The following NDST4 variants were observed in gnomAD, a reference collection of about 807,000 sequenced individuals.
NDST4 encodes the protein N-heparan sulfate sulfotransferase 4.
Under a neutral mutation model 100.8 loss-of-function variants are expected in NDST4, and 63 were observed. The ratio of observed to expected loss-of-function variants is 0.62; its 90% CI spans 0.51 to 0.77. The LOEUF is 0.77. Among genes scored for constraint, NDST4 ranks in the 30% least tolerant of loss-of-function variants. The probability of loss-of-function intolerance (pLI) is 0.00; values close to 1 mark genes in which losing one functional copy is unlikely to be tolerated. For missense variants in NDST4, 943 were observed against 1,018.4 expected (o/e 0.93, Z 1.01); for synonymous variants, 377 against 361.8 (o/e 1.04, Z -0.48).
intron 1 of NDST4, among the ~76,000 whole-genome samples, chr4:115,086,369 A>G (rs968815996): frequency 2.6e-5 from 4 of 152,098 alleles, no homozygotes; most frequent in African/African-American, 9.7e-5. Flanking sequence ...TAGTATGCCC[A>G]GTTTATAATT....
intron 6 of NDST4, among the ~76,000 whole-genome samples, chr4:114,895,889 A>G (rs1200955546): frequency 6.6e-6 from 1 of 152,200 alleles, no homozygotes; most frequent in Non-Finnish European, 1.5e-5. Flanking sequence ...GGTTCAATAT[A>G]TGCAAATCAA....
intron 6 of NDST4, among the ~76,000 whole-genome samples, chr4:114,889,061 T>C (rs1292438127): frequency 2.6e-5 from 4 of 152,188 alleles, no homozygotes; most frequent in Non-Finnish European, 4.4e-5. Flanking sequence ...CTAGATATTA[T>C]CATGCTTTCT....
At chr4:115,032,651 T>C (rs574802221) in intron 2 of NDST4, among the ~76,000 whole-genome samples, 1 of 152,274 alleles carries the variant, frequency 6.6e-6, no homozygotes, top group East Asian at 1.9e-4. Flanking sequence ...TCCATTGTAA[T>C]CTTCATGAAA....
intron 1 of NDST4, among the ~76,000 whole-genome samples, chr4:115,109,696 CTATT>C (rs982912256): frequency 4.7e-4 from 71 of 151,890 alleles, no homozygotes; most frequent in African/African-American, 1.4e-3. Flanking sequence ...TTAAACATAA[CTATT>C]TATTTAGTGT....
At chr4:114,836,002 C>T (rs879801594) in intron 11 of NDST4, among the ~76,000 whole-genome samples, 12 of 152,170 alleles carry the variant, frequency 7.9e-5, no homozygotes, top group Non-Finnish European at 8.8e-5. Context: ...AGCCTATGTG[C>T]GTCTTCGCAC....
intron 6 of NDST4, among the ~76,000 whole-genome samples, chr4:114,887,170 T>A (rs1482861930): frequency 1.3e-5 from 2 of 152,130 alleles, no homozygotes; most frequent in Non-Finnish European, 2.9e-5. Context: ...CAAAATCAGG[T>A]TTTAAATTAG....
chr4:114,837,090 T>G (rs1294322927), intron 11 of NDST4, among the ~76,000 whole-genome samples: 1 of 152,096 alleles, frequency 6.6e-6, no homozygotes, highest in Non-Finnish European at 1.5e-5. Context: ...GAGTTTGTTA[T>G]TATCCACCTT....
intron 2 of NDST4, among the ~76,000 whole-genome samples, chr4:115,033,504 AT>A (rs1728168114): frequency 6.6e-6 from 1 of 151,822 alleles, no homozygotes; most frequent in Admixed American, 6.6e-5. Context: ...TTTCTTTTAC[AT>A]TTTTTATTTT....
intron 1 of NDST4, among the ~76,000 whole-genome samples, chr4:115,090,826 G>C (rs560758397): frequency 6.6e-6 from 1 of 152,142 alleles, no homozygotes; most frequent in South Asian, 2.1e-4. Context: ...GCATCGTGCT[G>C]TTGACATCAG....
intron 1 of NDST4, among the ~76,000 whole-genome samples, chr4:115,082,962 A>G (rs1729332758): frequency 6.6e-6 from 1 of 152,236 alleles, no homozygotes; most frequent in East Asian, 1.9e-4. Flanking sequence ...TTGATTTGAA[A>G]GAGCTGTGTT....
At chr4:115,021,112 CAT>C (rs1392648088) in intron 2 of NDST4, among the ~76,000 whole-genome samples, 2 of 152,120 alleles carry the variant, frequency 1.3e-5, no homozygotes, top group Admixed American at 6.6e-5. Flanking sequence ...ATTGCATACA[CAT>C]GTTTATAGCA....
chr4:114,919,328 G>T (rs1457885867), intron 6 of NDST4, among the ~76,000 whole-genome samples: 2 of 152,126 alleles, frequency 1.3e-5, no homozygotes, highest in African/African-American at 4.8e-5. Context: ...TAACTTTAGA[G>T]AGTGGTAAAT....
intron 3 of NDST4, among the ~76,000 whole-genome samples, chr4:114,976,237 A>G (rs1031898306): frequency 6.6e-6 from 1 of 152,108 alleles, no homozygotes; most frequent in African/African-American, 2.4e-5. Context: ...ATACATGGAT[A>G]CAGAATAAAT....
At chr4:114,947,638 T>C (rs531258209) in intron 4 of NDST4, among the ~76,000 whole-genome samples, 1 of 151,974 alleles carries the variant, frequency 6.6e-6, no homozygotes, top group Admixed American at 6.6e-5. Flanking sequence ...CATTATTACA[T>C]CATTTCTATA....
At chr4:114,910,151 T>C (rs72904960) in intron 6 of NDST4, among the ~76,000 whole-genome samples, 1 of 152,262 alleles carries the variant, frequency 6.6e-6, no homozygotes, top group Admixed American at 6.5e-5. Flanking sequence ...GGATTCTGTC[T>C]CAGGATGTTT....
chr4:114,854,624 A>T (rs1161964201), intron 7 of NDST4, among the ~76,000 whole-genome samples: 3 of 151,936 alleles, frequency 2.0e-5, no homozygotes, highest in Non-Finnish European at 4.4e-5. Flanking sequence ...ACGTGCCACC[A>T]CACCCGGCTA....
intron 2 of NDST4, among the ~76,000 whole-genome samples, chr4:115,063,853 CA>C (rs1172819457): frequency 6.6e-6 from 1 of 151,030 alleles, no homozygotes; most frequent in African/African-American, 2.4e-5. Flanking sequence ...TTTTTTTTAC[CA>C]AAATACTTCT....
At chr4:115,031,174 T>C (rs72681452) in intron 2 of NDST4, among the ~76,000 whole-genome samples, 1,773 of 152,244 alleles carry the variant, frequency 0.012, 20 homozygotes, top group Non-Finnish European at 0.019. Context: ...CAGCCCAGAT[T>C]TAACTTGGTG....
intron 12 of NDST4, among the ~76,000 whole-genome samples, chr4:114,830,573 T>C (rs1239072527): frequency 6.6e-6 from 1 of 152,194 alleles, no homozygotes; most frequent in Non-Finnish European, 1.5e-5. Context: ...CACTGAGTTA[T>C]AAAAGAAAGG....
Sources: gnomAD v4.1 joint callset for allele counts (sites outside exome capture counted in the v4.1 genomes callset) on GRCh38, gnomAD v4.1.1 for gene constraint, MANE v1.5 for transcripts, NCBI Gene and HGNC (gene_info 2026-07-23, HGNC 2026-07-21) for gene names.